ATG16L1: variants seen among roughly 807,000 people sequenced by gnomAD.
ATG16L1 encodes the protein autophagy-related protein 16-1.
A neutral mutation model predicts 88.5 loss-of-function variants in ATG16L1; 37 were observed. That is an observed-to-expected ratio of 0.42 (90% CI 0.32 to 0.55). The LOEUF is 0.55. Among genes scored for constraint, ATG16L1 ranks in the 20% least tolerant of loss-of-function variants. ATG16L1 has a pLI of 0.13. For missense variants in ATG16L1, 554 were observed against 752.8 expected (o/e 0.74, Z 3.09); for synonymous variants, 301 against 281.0 (o/e 1.07, Z -0.71).
At chr2:233,279,673 G>T (rs1698597780) in intron 10 of ATG16L1, among the ~76,000 whole-genome samples, 1 of 152,148 alleles carries the variant, frequency 6.6e-6, no homozygotes, top group African/African-American at 2.4e-5. Flanking sequence ...TTTCTACCCA[G>T]TGGGAACATC....
At chr2:233,261,720 C>G (rs1018743530) in intron 2 of ATG16L1, among the ~76,000 whole-genome samples, 1 of 152,154 alleles carries the variant, frequency 6.6e-6, no homozygotes, top group Admixed American at 6.5e-5. Flanking sequence ...TACAAGCTTT[C>G]CCTAGACAGT....
intron 2 of ATG16L1, 94 bp downstream of exon 2, chr2:233,256,289 A>G (rs1696770903): frequency 3.7e-6 from 4 of 1,070,662 alleles, no homozygotes; most frequent in Admixed American, 4.7e-5. Context: ...CAAATCAAGT[A>G]CTATTTCTGT....
intron 10 of ATG16L1, among the ~76,000 whole-genome samples, chr2:233,278,044 A>G (rs540815050): frequency 2.0e-5 from 3 of 152,384 alleles, no homozygotes; most frequent in African/African-American, 7.2e-5. Context: ...GGATTCTACA[A>G]TTAAACTATA....
At chr2:233,277,505 T>G (rs1401467473) in intron 9 of ATG16L1, 63 bp from the exon 10 acceptor site, 2 of 1,464,066 alleles carry the variant, frequency 1.4e-6, no homozygotes, top group Middle Eastern at 1.7e-4. Context: ...TTTGGAGTGT[T>G]CGCGCATCTT....
chr2:233,277,664 G>A lies in ATG16L1; in HGVS notation c.1051G>A (p.Val351Ile). The A allele has an allele frequency of 2.5e-6, 4 of 1,613,762 alleles. No homozygotes were observed. Among genetic ancestry groups the A allele is most frequent in the Non-Finnish European group, 3.4e-6 (4 of 1,179,714 alleles). ...GMDRRVKLWE[V>I]FGEKCEFKGS... is the part of the protein sequence containing the mutation. ...GGACCGCAGGGTTAAGCTTTGGGAAGTATTTGGAGGTGAGAGCCTGCTGCA... is the reference window on the plus strand; with the variant it reads ...GGACCGCAGGGTTAAGCTTTGGGAAATATTTGGAGGTGAGAGCCTGCTGCA... The change falls in exon 10 of 18, where the codon GTA becomes ATA. Residue 351 changes from valine (V) to isoleucine (I), a missense_variant. Physicochemically the swap from Val to Ile is conservative, Grantham distance 29 (BLOSUM62 3). Transcript: ENST00000392017.
chr2:233,277,469 A>C, intron 9 of ATG16L1, 99 bp from the exon 10 acceptor site: 1 of 1,070,188 alleles, frequency 9.3e-7, no homozygotes, highest in African/African-American at 1.6e-5. Flanking sequence ...GTCTTTAAGG[A>C]TGAGTGTTTC....
Position 233,293,368 on chromosome 2 carries a change from C to T in ATG16L1, c.1730+11C>T, listed in dbSNP as rs753040816. The T allele has an allele frequency of 7.5e-6, 12 of 1,608,622 alleles. No individual in the cohort carries two copies. Among genetic ancestry groups the T allele is most frequent in the Admixed American group, 6.7e-5 (4 of 59,986 alleles). ...TTCAAAGCAGCACAGGTAAGATGAA[C>T]CCTGTCTCAGCCCCCCGTTGCGTTG... is the stretch of plus-strand genomic sequence containing the variant. On this transcript the variant is annotated intron_variant, in intron 17 of 17. Coordinates refer to ENST00000392017, the MANE Select transcript of ATG16L1 (RefSeq NM_030803.7).
At chr2:233,252,023 C>CCCTGGCGCCGCCCGCGCG in intron 1 of ATG16L1, 81 bp downstream of exon 1, 2 of 1,258,660 alleles carry the variant, frequency 1.6e-6, no homozygotes, top group Non-Finnish European at 2.1e-6. Flanking sequence ...AACCTGAGGC[C>CCCTGGCGCCGCCCGCGCG]GAGTCCCTGG....
chr2:233,282,961 C>G (rs988423016), intron 12 of ATG16L1: 1 of 520,866 alleles, frequency 1.9e-6, no homozygotes, highest in South Asian at 2.2e-5. Context: ...TGCAATGGGA[C>G]CCTCACATTT....
chr2:233,268,125 A>G (rs1178846724), intron 5 of ATG16L1, among the ~76,000 whole-genome samples: 1 of 152,114 alleles, frequency 6.6e-6, no homozygotes, highest in Non-Finnish European at 1.5e-5. Context: ...TTATGCTGCC[A>G]CGTGTCCCTG....
chr2:233,256,003 T>G, intron 1 of ATG16L1, 99 bp from the exon 2 acceptor site: 1 of 905,184 alleles, frequency 1.1e-6, no homozygotes, highest in Non-Finnish European at 1.7e-6. Flanking sequence ...GAATGTATGT[T>G]CCTGTATTGC....
chr2:233,273,393 T>G, intron 7 of ATG16L1: 1 of 493,574 alleles, frequency 2.0e-6, no homozygotes, highest in Non-Finnish European at 3.6e-6. Flanking sequence ...CGCACCGCCC[T>G]TCAAGAGTGG....
At chr2:233,286,441 A>T (rs1021942639) in intron 12 of ATG16L1, among the ~76,000 whole-genome samples, 2 of 152,028 alleles carry the variant, frequency 1.3e-5, no homozygotes, top group Non-Finnish European at 2.9e-5. Context: ...AATTTCAGAA[A>T]CACCTAACAG....
Position 233,256,727 on chromosome 2 carries a change from C to T in ATG16L1, c.209+532C>T, listed in dbSNP as rs571100047. Among the ~76,000 whole-genome samples the T allele has an allele frequency of 1.1e-3, 170 of 150,116 alleles. 2 individuals carry two copies. The South Asian group carries it at 0.013, about 12-fold the overall frequency. ...TTTTTTCTTTTTTGAGACAGTCTCACTCTGTCACCCAGGCCGGAGTACAGT... is the reference window on the plus strand; with the variant it reads ...TTTTTTCTTTTTTGAGACAGTCTCATTCTGTCACCCAGGCCGGAGTACAGT... On this transcript the variant is annotated intron_variant, in intron 2 of 17. Coordinates refer to ENST00000392017, the MANE Select transcript of ATG16L1 (RefSeq NM_030803.7).
chr2:233,260,612 A>G (rs1157157809), intron 2 of ATG16L1, among the ~76,000 whole-genome samples: 1 of 152,208 alleles, frequency 6.6e-6, no homozygotes, highest in Non-Finnish European at 1.5e-5. Context: ...TACTTGCCGA[A>G]GCACTTTAGG....
chr2:233,283,076 C>A (rs775496490), intron 12 of ATG16L1: 8 of 261,150 alleles, frequency 3.1e-5, no homozygotes, highest in African/African-American at 1.1e-4. Context: ...ATTGTGATTC[C>A]TGTGGGCTCT....
intron 2 of ATG16L1, among the ~76,000 whole-genome samples, chr2:233,259,310 C>T (rs1479327735): frequency 1.3e-5 from 2 of 152,094 alleles, no homozygotes; most frequent in East Asian, 1.9e-4. Flanking sequence ...AAAATGGTGG[C>T]GTCAGCACCA....
rs1389979092 is a variant in ATG16L1, at chr2:233,274,335, A to C, written c.852-341A>C. Reference sequence around the variant, plus strand: ...AAAATAGTTTTGCAAAAAAGACCAAAGAGCTACCTCTGAGCTAGCTGTTAC... The same window carrying C: ...AAAATAGTTTTGCAAAAAAGACCAACGAGCTACCTCTGAGCTAGCTGTTAC... On this transcript the variant is annotated intron_variant, in intron 8 of 17. Transcript: ENST00000392017. 1.1e-5 allele frequency: 5 copies of C among 473,254 alleles called. No individual in the cohort carries two copies. The Admixed American group carries it at 1.8e-4, about 17-fold the overall frequency. 29.3% of individuals were successfully genotyped at this position (473,254 alleles called of 1,614,324 possible).
intron 12 of ATG16L1, among the ~76,000 whole-genome samples, chr2:233,288,199 C>T (rs978405920): frequency 2.0e-5 from 3 of 151,914 alleles, no homozygotes; most frequent in Non-Finnish European, 2.9e-5. Context: ...ATATGTGGTC[C>T]GAAGTTTTCG....
Sources: allele counts gnomAD v4.1 joint callset (sites outside exome capture counted in the v4.1 genomes callset), GRCh38; gene constraint gnomAD v4.1.1; transcripts MANE v1.5; gene names NCBI Gene and HGNC (gene_info 2026-07-23, HGNC 2026-07-21).